Variants in PTPRT observed in about 807,000 individuals in gnomAD.
PTPRT encodes receptor-type tyrosine-protein phosphatase T.
Under a neutral mutation model 176.8 loss-of-function variants are expected in PTPRT, and 56 were observed. That is an observed-to-expected ratio of 0.32 (90% CI 0.26 to 0.40). PTPRT has a LOEUF of 0.40. Ranked by LOEUF, PTPRT falls within the 10% of genes least tolerant of loss-of-function variation. The probability of loss-of-function intolerance (pLI) is 1.00; values close to 1 mark genes in which losing one functional copy is unlikely to be tolerated. For missense variants in PTPRT, 1,540 were observed against 1,908.2 expected (o/e 0.81, Z 3.60); for synonymous variants, 783 against 739.0 (o/e 1.06, Z -0.96).
rs979471880 is a variant in PTPRT, at chr20:42,316,901, G to C, written c.1866-905C>G. Among the ~76,000 whole-genome samples, 10 of 152,070 alleles carry C rather than the reference G, an allele frequency of 6.6e-5. No homozygotes were observed. The South Asian group carries it at 2.1e-3, about 32-fold the overall frequency. Reference sequence around the variant, plus strand: ...ATTACCTCCCTCTTTAGTTCCCCTAGAGCTCATCTAATCTCCATCTGCTTT... The same window carrying C: ...ATTACCTCCCTCTTTAGTTCCCCTACAGCTCATCTAATCTCCATCTGCTTT... On this transcript the variant is annotated intron_variant, in intron 11 of 30. Coordinates refer to ENST00000373187, the MANE Select transcript of PTPRT (RefSeq NM_007050.6).
At chr20:42,873,081 CAT>C (rs1330171338) in intron 2 of PTPRT, among the ~76,000 whole-genome samples, 1 of 152,278 alleles carries the variant, frequency 6.6e-6, no homozygotes, top group Non-Finnish European at 1.5e-5. Flanking sequence ...TTTAAAATCA[CAT>C]GTTTCCACCC....
intron 9 of PTPRT, among the ~76,000 whole-genome samples, chr20:42,401,367 G>A (rs764900972): frequency 1.1e-4 from 16 of 151,960 alleles, no homozygotes; most frequent in Non-Finnish European, 1.8e-4. Flanking sequence ...CAGGGGTTAC[G>A]GAGTTAGGTA....
chr20:42,951,414 TGGATGGATGGATGA>T lies in PTPRT; in HGVS notation c.89-65496_89-65483del, dbSNP rs1981243140. Among the ~76,000 whole-genome samples the T allele has an allele frequency of 1.3e-4, 20 of 151,534 alleles. No individual in the cohort carries two copies. In the South Asian group the frequency reaches 3.8e-3, roughly 29 times the overall value. On this transcript the variant is annotated intron_variant, in intron 1 of 30. Coordinates refer to ENST00000373187, the MANE Select transcript of PTPRT (RefSeq NM_007050.6). ...ATAGATGGGGGGGTGGGTAAGCGAGTGGATGGATGGATGATAGAGAAATCACCCATCAGCATAAT... is the reference window on the plus strand; with the variant it reads ...ATAGATGGGGGGGTGGGTAAGCGAGTTAGAGAAATCACCCATCAGCATAAT...
intron 1 of PTPRT, among the ~76,000 whole-genome samples, chr20:43,017,169 G>C (rs1985410959): frequency 6.6e-6 from 1 of 152,144 alleles, no homozygotes; most frequent in Non-Finnish European, 1.5e-5. Flanking sequence ...TCCATTCCTA[G>C]TCTGAAACAT....
chr20:42,983,283 C>G (rs866696328), intron 1 of PTPRT, among the ~76,000 whole-genome samples: 23 of 152,316 alleles, frequency 1.5e-4, no homozygotes, highest in Admixed American at 2.6e-4. Flanking sequence ...CCCTACAACT[C>G]CAAGGTTGGA....
chr20:42,942,262 G>A (rs560475487), intron 1 of PTPRT, among the ~76,000 whole-genome samples: 121 of 152,320 alleles, frequency 7.9e-4, no homozygotes, highest in Admixed American at 1.3e-3. Flanking sequence ...TGGGTCAAGA[G>A]GAGGATGGGG....
intron 7 of PTPRT, among the ~76,000 whole-genome samples, chr20:42,480,904 G>T (rs1459703759): frequency 6.6e-6 from 1 of 152,062 alleles, no homozygotes; most frequent in Non-Finnish European, 1.5e-5. Context: ...TAGCAAATGG[G>T]CACAAAACAG....
chr20:42,183,292 G>A (rs1371379149), intron 16 of PTPRT, among the ~76,000 whole-genome samples: 1 of 152,126 alleles, frequency 6.6e-6, no homozygotes, highest in Admixed American at 6.6e-5. Flanking sequence ...TGCAACATAA[G>A]GAAGGGTCTT....
In PTPRT at chr20:42,699,956, G is replaced by A. The variant is rs1331893411; in HGVS notation, c.860-21797C>T. ...TCAGAAGCAGCCCTAAATAGATGAC[G>A]TGTCATGTGCCGCTTTCCTACCTAC... On this transcript the variant is annotated intron_variant, in intron 6 of 30. Coordinates refer to ENST00000373187, the MANE Select transcript of PTPRT (RefSeq NM_007050.6). Among the ~76,000 whole-genome samples, 7 of 152,228 alleles carry A rather than the reference G, an allele frequency of 4.6e-5. No individual in the cohort carries two copies. The East Asian group carries it at 9.7e-4, about 21-fold the overall frequency.
chr20:42,209,148 T>A (rs896197153), intron 15 of PTPRT, among the ~76,000 whole-genome samples: 1 of 152,156 alleles, frequency 6.6e-6, no homozygotes, highest in East Asian at 1.9e-4. Context: ...TTTAAAGCAG[T>A]GTGTAGAAGT....
intron 9 of PTPRT, among the ~76,000 whole-genome samples, chr20:42,440,803 C>T (rs1256251210): frequency 6.6e-6 from 1 of 152,172 alleles, no homozygotes; most frequent in African/African-American, 2.4e-5. Flanking sequence ...AGACCAAATG[C>T]TGTCAGGCTA....
At chr20:42,740,072 G>A (rs1403973961) in intron 6 of PTPRT, among the ~76,000 whole-genome samples, 1 of 152,158 alleles carries the variant, frequency 6.6e-6, no homozygotes, top group East Asian at 1.9e-4. Flanking sequence ...ACCCTGTCAG[G>A]GATAGGCAGA....
At chr20:42,315,589 T>G in intron 12 of PTPRT, 134 bp downstream of exon 12, 1 of 1,038,398 alleles carries the variant, frequency 9.6e-7, no homozygotes, top group Non-Finnish European at 1.4e-6. Flanking sequence ...TTTTTTTAAT[T>G]TAAAGGCATG....
At chr20:42,711,469 T>C (rs1399700897) in intron 6 of PTPRT, among the ~76,000 whole-genome samples, 6 of 152,136 alleles carry the variant, frequency 3.9e-5, no homozygotes, top group Non-Finnish European at 8.8e-5. Flanking sequence ...TCCACCTCTC[T>C]CTTGCTCCAT....
At chr20:42,374,509 C>T (rs933371340) in intron 9 of PTPRT, among the ~76,000 whole-genome samples, 8 of 151,824 alleles carry the variant, frequency 5.3e-5, no homozygotes, top group Non-Finnish European at 7.4e-5. Flanking sequence ...AGGGAAACAA[C>T]AAAATGAAAA....
chr20:42,982,176 G>T (rs557353804), intron 1 of PTPRT, among the ~76,000 whole-genome samples: 1 of 152,282 alleles, frequency 6.6e-6, no homozygotes, highest in East Asian at 1.9e-4. Flanking sequence ...TGACGAAGAG[G>T]TGTCATCCAT....
chr20:42,241,661 A>G (rs2146883467), intron 14 of PTPRT, among the ~76,000 whole-genome samples: 1 of 152,198 alleles, frequency 6.6e-6, no homozygotes, highest in Non-Finnish European at 1.5e-5. Flanking sequence ...TCAAAAGGTG[A>G]TTAAATGTGA....
At chr20:42,292,841 T>C (rs991573748) in intron 12 of PTPRT, among the ~76,000 whole-genome samples, 1 of 152,200 alleles carries the variant, frequency 6.6e-6, no homozygotes, top group African/African-American at 2.4e-5. Flanking sequence ...GACTACGTAA[T>C]GTGGTAGCCT....
intron 7 of PTPRT, among the ~76,000 whole-genome samples, chr20:42,517,905 ATG>A (rs1341344761): frequency 3.9e-5 from 6 of 152,032 alleles, no homozygotes; most frequent in Non-Finnish European, 8.8e-5. Context: ...ATGAATTCTC[ATG>A]TATGCTTGGA....
Sources: allele counts gnomAD v4.1 joint callset (sites outside exome capture counted in the v4.1 genomes callset), GRCh38; gene constraint gnomAD v4.1.1; transcripts MANE v1.5; gene names NCBI Gene and HGNC (gene_info 2026-07-23, HGNC 2026-07-21).